The following ERC2 variants were observed in gnomAD, a reference collection of about 807,000 sequenced individuals.
ERC2 encodes ERC protein 2.
A neutral mutation model predicts 114.8 loss-of-function variants in ERC2; 42 were observed. The ratio of observed to expected loss-of-function variants is 0.37; its 90% CI spans 0.29 to 0.47. The LOEUF (loss-of-function observed/expected upper bound fraction) is 0.47. Ranked by LOEUF, ERC2 falls within the 20% of genes least tolerant of loss-of-function variation. ERC2 has a pLI of 0.99. For missense variants in ERC2, 939 were observed against 1,150.7 expected (o/e 0.82, Z 2.66); for synonymous variants, 454 against 425.5 (o/e 1.07, Z -0.82).
chr3:55,924,729 T>A (rs917634540), intron 13 of ERC2, among the ~76,000 whole-genome samples: 4 of 152,096 alleles, frequency 2.6e-5, no homozygotes, highest in African/African-American at 9.7e-5. Flanking sequence ...AGCCAAGAAC[T>A]AAGGCTTTCT....
At chr3:55,814,823 G>A (rs57613295) in intron 14 of ERC2, among the ~76,000 whole-genome samples, 1,914 of 152,280 alleles carry the variant, frequency 0.013, 44 homozygotes, top group African/African-American at 0.044. Flanking sequence ...GAACTCAATG[G>A]ATACCATGCA....
At chr3:56,447,299 G>A (rs916568650) in intron 1 of ERC2, among the ~76,000 whole-genome samples, 11 of 152,350 alleles carry the variant, frequency 7.2e-5, no homozygotes, top group Non-Finnish European at 1.3e-4. Flanking sequence ...GACACCTTGT[G>A]GCATCAAGAT....
At chr3:56,096,447 A>G (rs1216706979) in intron 6 of ERC2, among the ~76,000 whole-genome samples, 1 of 152,172 alleles carries the variant, frequency 6.6e-6, no homozygotes, top group African/African-American at 2.4e-5. Context: ...CAGAAGGAGG[A>G]AAGCAGGAAA....
chr3:55,620,537 C>G (rs2059284560), intron 17 of ERC2, among the ~76,000 whole-genome samples: 1 of 152,170 alleles, frequency 6.6e-6, no homozygotes, highest in African/African-American at 2.4e-5. Flanking sequence ...TAGGTTTTCA[C>G]CCTCTAACCC....
intron 3 of ERC2, among the ~76,000 whole-genome samples, chr3:56,267,461 G>A (rs533848157): frequency 6.6e-6 from 1 of 152,044 alleles, no homozygotes; most frequent in Non-Finnish European, 1.5e-5. Flanking sequence ...GGCAGGAAGC[G>A]GGGACAGTGG....
Position 56,185,720 on chromosome 3 carries a change from A to T in ERC2, c.1075-12200T>A, listed in dbSNP as rs78970974. Among the ~76,000 whole-genome samples, 391 of 152,302 alleles carry T rather than the reference A, an allele frequency of 2.6e-3. 1 individual carries two copies. Among genetic ancestry groups the T allele is most frequent in the South Asian group, 0.018 (87 of 4,826 alleles). ...CACTTTCTATTTCTAAAACTTACTA[A>T]TATGTTACATTATATGGCAAAAGAG... On this transcript the variant is annotated intron_variant, in intron 3 of 17. Coordinates refer to ENST00000288221, the MANE Select transcript of ERC2 (RefSeq NM_015576.3).
chr3:56,224,456 T>C (rs1300854054), intron 3 of ERC2, among the ~76,000 whole-genome samples: 1 of 151,616 alleles, frequency 6.6e-6, no homozygotes, highest in African/African-American at 2.4e-5. Context: ...GTGATGGAAA[T>C]AGAGATGGCG....
rs563253806 is a variant in ERC2 at position 56,130,075 on chromosome 3, G to A, written c.1473+9434C>T. Among the ~76,000 whole-genome samples the A allele has an allele frequency of 3.3e-5, 5 of 152,284 alleles. No homozygotes were observed. The East Asian group carries it at 9.6e-4, about 29-fold the overall frequency. On this transcript the variant is annotated intron_variant, in intron 6 of 17. Coordinates refer to ENST00000288221, the MANE Select transcript of ERC2 (RefSeq NM_015576.3). The stretch of plus-strand genomic sequence containing the variant: ...GAGATTTGAGTTGCAGTAACAATAT[G>A]AAATTGAAAGCAGAATTACATACAA...
intron 14 of ERC2, among the ~76,000 whole-genome samples, chr3:55,778,074 A>G (rs1000965841): frequency 1.3e-5 from 2 of 152,236 alleles, no homozygotes; most frequent in African/African-American, 4.8e-5. Flanking sequence ...ATGCTCATGA[A>G]AAAAATATAT....
At chr3:56,103,847 C>A (rs9844105) in intron 6 of ERC2, among the ~76,000 whole-genome samples, 2,417 of 152,110 alleles carry the variant, frequency 0.016, 56 homozygotes, top group African/African-American at 0.039. Flanking sequence ...CAAAAACCTA[C>A]AAGACCTTGG....
chr3:56,140,994 A>C (rs1274549366), intron 5 of ERC2, among the ~76,000 whole-genome samples: 1 of 152,202 alleles, frequency 6.6e-6, no homozygotes, highest in East Asian at 1.9e-4. Context: ...ACTGCCCTCC[A>C]GCCTGGGTGA....
Position 55,621,421 on chromosome 3 carries a change from G to A in ERC2, c.*39+62373C>T, listed in dbSNP as rs116996580. Among the ~76,000 whole-genome samples the A allele has an allele frequency of 9.1e-4, 139 of 152,290 alleles. 2 individuals are homozygous for A. The East Asian group carries it at 0.024, about 26-fold the overall frequency. The stretch of plus-strand genomic sequence containing the variant: ...AGAAAGAACGGGACATATTTGGGGA[G>A]TTCATACAGACAGGTTATAGCTTCT... On this transcript the variant is annotated intron_variant, in intron 17 of 17. Coordinates refer to ENST00000288221, the MANE Select transcript of ERC2 (RefSeq NM_015576.3).
intron 2 of ERC2, among the ~76,000 whole-genome samples, chr3:56,385,868 A>G (rs2059916037): frequency 6.6e-6 from 1 of 152,202 alleles, no homozygotes; most frequent in African/African-American, 2.4e-5. Flanking sequence ...GACAGCTATA[A>G]AATGAGTAAG....
At chr3:55,904,048 T>A (rs1440953546) in intron 13 of ERC2, among the ~76,000 whole-genome samples, 1 of 152,242 alleles carries the variant, frequency 6.6e-6, no homozygotes, top group Admixed American at 6.5e-5. Context: ...ATAATCCTGT[T>A]TCGTGTTTAA....
intron 7 of ERC2, among the ~76,000 whole-genome samples, chr3:56,032,786 G>A (rs2074446443): frequency 6.6e-6 from 1 of 150,438 alleles, no homozygotes; most frequent in Non-Finnish European, 1.5e-5. Flanking sequence ...AGGATCACTT[G>A]AGCCCAGGAA....
chr3:55,613,743 C>T lies in ERC2; in HGVS notation c.*39+70051G>A, dbSNP rs553503292. Among the ~76,000 whole-genome samples the T allele has an allele frequency of 2.6e-5, 4 of 152,080 alleles. No homozygotes were observed. The East Asian group carries it at 7.8e-4, about 29-fold the overall frequency. On this transcript the variant is annotated intron_variant, in intron 17 of 17. Coordinates refer to ENST00000288221, the MANE Select transcript of ERC2 (RefSeq NM_015576.3). ...CCTATAATCCCAGCATTTTGGGAGG[C>T]CAAGGTGGGTGGATCACCTGAGGGT...
chr3:56,154,243 A>C (rs550553255), intron 4 of ERC2, among the ~76,000 whole-genome samples: 5 of 152,144 alleles, frequency 3.3e-5, no homozygotes, highest in Non-Finnish European at 5.9e-5. Flanking sequence ...ACATATTAGT[A>C]AAAAGAACGA....
chr3:56,040,003 T>C (rs2075034496), intron 7 of ERC2, among the ~76,000 whole-genome samples: 1 of 152,136 alleles, frequency 6.6e-6, no homozygotes, highest in Non-Finnish European at 1.5e-5. Flanking sequence ...TAAAATAGAT[T>C]AAAGACTTAA....
At chr3:55,769,407 A>T (rs9852888) in intron 14 of ERC2, among the ~76,000 whole-genome samples, 41,270 of 151,318 alleles carry the variant, frequency 0.27, 6,710 homozygotes, top group African/African-American at 0.44. Context: ...TCCTTGCTGA[A>T]CCTATTTCTG....
Sources: allele counts gnomAD v4.1 joint callset (sites outside exome capture counted in the v4.1 genomes callset), GRCh38; gene constraint gnomAD v4.1.1; transcripts MANE v1.5; gene names NCBI Gene and HGNC (gene_info 2026-07-23, HGNC 2026-07-21).